The following PCDH7 variants were observed in gnomAD, a reference collection of about 807,000 sequenced individuals.
The protein encoded by PCDH7 is protocadherin-7.
In PCDH7, 17 loss-of-function variants were observed where a neutral mutation model predicts 58.9. The observed-to-expected ratio is 0.29, with a 90% CI of 0.20 to 0.43. The LOEUF (loss-of-function observed/expected upper bound fraction) is 0.43, where lower values mean the gene tolerates loss of function less well. PCDH7 is among the 20% of genes least tolerant of loss of function. The pLI, the probability that PCDH7 is intolerant of heterozygous loss-of-function variation, is 1.00. For synonymous variants in PCDH7, 664 were observed against 616.4 expected (o/e 1.08, Z -1.14); for missense variants, 1,274 against 1,441.0 (o/e 0.88, Z 1.88).
intron 1 of PCDH7, among the ~76,000 whole-genome samples, chr4:30,802,097 C>G (rs967441589): frequency 1.3e-5 from 2 of 152,102 alleles, no homozygotes; most frequent in Admixed American, 6.6e-5. Flanking sequence ...GTAAAAGTGA[C>G]TCATGGATCT....
At chr4:30,772,198 T>C (rs1461149138) in intron 1 of PCDH7, among the ~76,000 whole-genome samples, 1 of 152,196 alleles carries the variant, frequency 6.6e-6, no homozygotes. Flanking sequence ...TACACTTCCA[T>C]AGGTTCTGAT....
At chr4:31,038,247 A>T (rs1458588440) in intron 3 of PCDH7, among the ~76,000 whole-genome samples, 2 of 152,210 alleles carry the variant, frequency 1.3e-5, no homozygotes, top group Non-Finnish European at 1.5e-5. Context: ...ATCAGTACCA[A>T]AGGAAGGTTG....
At chr4:30,937,635 A>T (rs2109432636) in intron 2 of PCDH7, among the ~76,000 whole-genome samples, 1 of 152,228 alleles carries the variant, frequency 6.6e-6, no homozygotes, top group South Asian at 2.1e-4. Context: ...AATTTATATT[A>T]TGCACACTAA....
intron 1 of PCDH7, among the ~76,000 whole-genome samples, chr4:30,867,106 T>C (rs924632474): frequency 1.1e-4 from 16 of 152,052 alleles, no homozygotes; most frequent in Non-Finnish European, 1.0e-4. Context: ...TGAGATTCAA[T>C]TGGTATGTCA....
intron 3 of PCDH7, among the ~76,000 whole-genome samples, chr4:31,120,761 G>A (rs1717594418): frequency 6.6e-6 from 1 of 152,218 alleles, no homozygotes; most frequent in Non-Finnish European, 1.5e-5. Context: ...TACTCCGGGG[G>A]CCCTAGTTTA....
At chr4:30,937,348 A>G (rs1560516956) in intron 2 of PCDH7, among the ~76,000 whole-genome samples, 2 of 152,076 alleles carry the variant, frequency 1.3e-5, no homozygotes, top group African/African-American at 4.8e-5. Flanking sequence ...TAGATAATCC[A>G]TTTTAAATAA....
At chr4:30,798,862 C>T (rs2109304631) in intron 1 of PCDH7, among the ~76,000 whole-genome samples, 1 of 152,164 alleles carries the variant, frequency 6.6e-6, no homozygotes, top group African/African-American at 2.4e-5. Context: ...TACTTTGCAG[C>T]ATATTACTAA....
intron 1 of PCDH7, among the ~76,000 whole-genome samples, chr4:30,838,872 A>G (rs2109336695): frequency 6.6e-6 from 1 of 152,190 alleles, no homozygotes; most frequent in African/African-American, 2.4e-5. Flanking sequence ...ACTCATCCAC[A>G]TGTTGAAAAA....
intron 1 of PCDH7, among the ~76,000 whole-genome samples, chr4:30,832,761 T>C (rs1342522114): frequency 6.6e-6 from 1 of 152,182 alleles, no homozygotes; most frequent in Non-Finnish European, 1.5e-5. Flanking sequence ...GATATGCAGA[T>C]ATGAATGAGG....
intron 1 of PCDH7, among the ~76,000 whole-genome samples, chr4:30,791,460 C>T (rs2109298819): frequency 6.6e-6 from 1 of 152,234 alleles, no homozygotes; most frequent in Non-Finnish European, 1.5e-5. Flanking sequence ...TAAATGCCAG[C>T]AATTATTAAT....
intron 1 of PCDH7, among the ~76,000 whole-genome samples, chr4:30,884,232 G>A (rs920273412): frequency 2.0e-5 from 3 of 152,070 alleles, no homozygotes; most frequent in African/African-American, 7.2e-5. Flanking sequence ...ATCTATGTGT[G>A]GTAGGCATTT....
intron 1 of PCDH7, among the ~76,000 whole-genome samples, chr4:30,871,957 G>A (rs1038362604): frequency 1.3e-5 from 2 of 151,992 alleles, no homozygotes; most frequent in Non-Finnish European, 2.9e-5. Context: ...CTTACATGGT[G>A]TTTTCATTTT....
intron 1 of PCDH7, among the ~76,000 whole-genome samples, chr4:30,774,225 C>G (rs1305753373): frequency 6.6e-6 from 1 of 152,134 alleles, no homozygotes; most frequent in East Asian, 1.9e-4. Context: ...TACTTGAGAA[C>G]TGTCTTGTTC....
intron 1 of PCDH7, among the ~76,000 whole-genome samples, chr4:30,859,435 C>CTT (rs977834781): frequency 2.1e-5 from 3 of 143,954 alleles, no homozygotes; most frequent in South Asian, 2.2e-4. Flanking sequence ...TCTAATTCTT[C>CTT]TTTTTTTTTT....
Position 30,721,267 on chromosome 4 carries a change from C to G in PCDH7, c.-156C>G, listed in dbSNP as rs575385404. 563 of 668,826 alleles carry G rather than the reference C, an allele frequency of 8.4e-4. 5 individuals are homozygous for G. In the African/African-American group the frequency reaches 9.7e-3, roughly 12 times the overall value. The allele number at this position is 668,826 out of a possible 1,614,324, so 41.4% of individuals were successfully genotyped here. ...CCCACCCCCATTCCCGGCCAACTCT[C>G]CACGCCGCTTTTGCCCCCTCCCTCC... On this transcript the variant is annotated 5_prime_UTR_variant, in exon 1 of 2. Coordinates refer to ENST00000361762, the Ensembl canonical transcript of PCDH7. This position sits in a 1 kb window ranked among gnomAD's most constrained non-coding sequence, Gnocchi z 6.7.
In PCDH7 at chr4:30,721,534, C is replaced by A. The variant is rs143147908; in HGVS notation, c.112C>A (p.Leu38Met). The A allele has an allele frequency of 3.1e-6, 5 of 1,601,014 alleles. No individual in the cohort carries two copies. In the African/African-American group the frequency reaches 6.7e-5, roughly 21 times the overall value. Residue 38 changes from leucine (L) to methionine (M), a missense_variant, in exon 1 of 2, where the codon CTG becomes ATG. Transcript: ENST00000361762. The surrounding 1 kb of genome is among the most constrained non-coding windows in gnomAD (Gnocchi z 6.7). ...CGCCAAGCAGCTCCTCCGGTACCGG[C>A]TGGCCGAGGAGGGCCCCGCCGACGT...
chr4:30,946,687 CTT>C, intron 2 of PCDH7, among the ~76,000 whole-genome samples: 1 of 93,972 alleles, frequency 1.1e-5, no homozygotes, highest in African/African-American at 4.9e-5. Flanking sequence ...CGCCTTATCT[CTT>C]TTGTGTGTGT....
intron 1 of PCDH7, among the ~76,000 whole-genome samples, chr4:30,888,153 C>T (rs150195652): frequency 2.0e-5 from 3 of 152,188 alleles, no homozygotes; most frequent in East Asian, 1.9e-4. Flanking sequence ...GGATTACAGG[C>T]GTGAGCCACT....
intron 1 of PCDH7, among the ~76,000 whole-genome samples, chr4:30,838,165 G>A (rs1730751349): frequency 1.3e-5 from 2 of 151,896 alleles, no homozygotes; most frequent in Admixed American, 6.6e-5. Context: ...TGCTACATAT[G>A]CATAAATATT....
Sources: gnomAD v4.1 joint callset for allele counts (sites outside exome capture counted in the v4.1 genomes callset) on GRCh38, gnomAD v4.1.1 for gene constraint, Gnocchi (gnomAD v3.1) non-coding constraint, MANE v1.5 for transcripts, NCBI Gene and HGNC (gene_info 2026-07-23, HGNC 2026-07-21) for gene names.